The following SERPINB8 variants were observed in gnomAD, a reference collection of about 807,000 sequenced individuals.
SERPINB8 encodes the protein serpin family B member 8.
Under a neutral mutation model 35.3 loss-of-function variants are expected in SERPINB8, and 25 were observed. That is an observed-to-expected ratio of 0.71 (90% CI 0.52 to 0.99). The LOEUF (loss-of-function observed/expected upper bound fraction) is 0.99, where lower values mean the gene tolerates loss of function less well. Ranked by LOEUF, SERPINB8 falls within the 50% of genes least tolerant of loss-of-function variation. The probability of loss-of-function intolerance (pLI) is 0.00; values close to 1 mark genes in which losing one functional copy is unlikely to be tolerated. For synonymous variants in SERPINB8, 186 were observed against 160.8 expected (o/e 1.16, Z -1.19); for missense variants, 484 against 446.5 (o/e 1.08, Z -0.76).
At chr18:63,976,463 C>T (rs1412029061) in intron 1 of SERPINB8, among the ~76,000 whole-genome samples, 2 of 152,166 alleles carry the variant, frequency 1.3e-5, no homozygotes, top group African/African-American at 4.8e-5. Flanking sequence ...GATAGGGATG[C>T]TATCTTTCTT....
Position 63,989,225 on chromosome 18 carries a change from T to C in SERPINB8, c.*1947T>C, listed in dbSNP as rs2050805299. On this transcript the variant is annotated 3_prime_UTR_variant, in exon 7 of 7. Transcript: ENST00000397985. ...TCATTTATGTTATTGTATGTATCAA[T>C]AGTTCATCCCTTTTATTGGTAAGTA... 6.6e-6 allele frequency: 1 copy of C among 152,260 alleles called. No homozygotes were observed. Among genetic ancestry groups the C allele is most frequent in the Non-Finnish European group, 1.5e-5 (1 of 68,042 alleles). The allele number at this position is 152,260 out of a possible 1,614,324, so 9.4% of individuals were successfully genotyped here.
chr18:63,990,054 C>T (rs1192090504), downstream of SERPINB8, among the ~76,000 whole-genome samples: 1 of 131,166 alleles, frequency 7.6e-6, no homozygotes, highest in African/African-American at 2.8e-5. Context: ...TTGCTTCTTG[C>T]TTTATTTTGT....
At chr18:63,998,038 A>G (rs932903462) in intron 1 of SERPINB8, among the ~76,000 whole-genome samples, 1 of 152,210 alleles carries the variant, frequency 6.6e-6, no homozygotes, top group Non-Finnish European at 1.5e-5. Context: ...TGCATGAACT[A>G]TTATCTTCAA....
At chr18:63,996,276 T>C (rs1000281121) in intron 1 of SERPINB8, among the ~76,000 whole-genome samples, 2 of 152,206 alleles carry the variant, frequency 1.3e-5, no homozygotes, top group Non-Finnish European at 2.9e-5. Context: ...ATACAGTAGC[T>C]CTGTCTGGCC....
At position 63,987,079 on chromosome 18, in the gene SERPINB8, C is replaced by T; in HGVS notation, c.926C>T (p.Pro309Leu). 2 of 1,614,194 alleles carry T rather than the reference C, an allele frequency of 1.2e-6. No individual in the cohort carries two copies. Among genetic ancestry groups the T allele is most frequent in the Middle Eastern group, 1.6e-4 (1 of 6,062 alleles). Residue 309 changes from proline to leucine, a missense_variant, in exon 7 of 7, where the codon CCT becomes CTT. Pro to Leu is a moderately conservative substitution (Grantham distance 98). Transcript: ENST00000397985. ...FSGMSTEKNVPLSKVAHKCFV... is the reference protein window; with the variant it reads ...FSGMSTEKNVLLSKVAHKCFV... ...GGAATGTCAACTGAGAAGAATGTGC[C>T]TCTGTCCAAGGTTGCCCACAAGTGC...
chr18:63,972,611 A>G (rs1009281153), intron 1 of SERPINB8, among the ~76,000 whole-genome samples: 8 of 152,058 alleles, frequency 5.3e-5, no homozygotes, highest in Non-Finnish European at 8.8e-5. Context: ...TACATTAGGT[A>G]TTTCTCCTAA....
intron 5 of SERPINB8, among the ~76,000 whole-genome samples, chr18:63,984,171 T>C (rs543383434): frequency 6.6e-6 from 1 of 152,334 alleles, no homozygotes; most frequent in Non-Finnish European, 1.5e-5. Context: ...ATTTAATGCC[T>C]CCTGTGTATC....
rs1423005041 is a variant in SERPINB8, at chr18:63,978,367, G to A, written c.59G>A (p.Gly20Glu). The A allele has an allele frequency of 2.9e-5, 47 of 1,614,168 alleles. No homozygotes were observed. Among genetic ancestry groups the A allele is most frequent in the Non-Finnish European group, 3.9e-5 (46 of 1,180,022 alleles). ...GCCATCAGCTTATTTAAAATATTGG[G>A]GGAAGAGGACAACTCAAGAAACGTA... ...TFAISLFKIL[G>E]EEDNSRNVFF... Residue 20 changes from glycine to glutamate, a missense_variant, in exon 2 of 7, where the codon GGG becomes GAG. Coordinates refer to ENST00000397985, the MANE Select transcript of SERPINB8 (RefSeq NM_002640.4).
chr18:63,985,459 G>A (rs1201885545), intron 6 of SERPINB8, among the ~76,000 whole-genome samples: 1 of 152,198 alleles, frequency 6.6e-6, no homozygotes, highest in Non-Finnish European at 1.5e-5. Flanking sequence ...AAGCTAAGAA[G>A]AGAGAGTTCT....
chr18:63,997,071 C>G (rs755314868), intron 1 of SERPINB8, among the ~76,000 whole-genome samples: 1 of 148,620 alleles, frequency 6.7e-6, no homozygotes, highest in Non-Finnish European at 1.5e-5. Flanking sequence ...AGTTCCTTTA[C>G]TATCGCTCAT....
Position 63,987,147 on chromosome 18 carries a change from A to T in SERPINB8, c.994A>T (p.Thr332Ser), listed in dbSNP as rs370124288. ...GGAAGGCACAGAGGCTGCCGCAGCC[A>T]CTGCTGTGGTCAGGAATTCCCGGTG... ...NEEGTEAAAA[T>S]AVVRNSRCSR... is the part of the protein sequence containing the mutation. Residue 332 changes from threonine to serine, a missense_variant, in exon 7 of 7, where the codon ACT (threonine) becomes TCT (serine). Transcript: ENST00000397985. 43 of 1,614,064 alleles carry T rather than the reference A, an allele frequency of 2.7e-5. No homozygotes were observed. The highest frequency in any genetic ancestry group is 3.5e-5 in the Non-Finnish European group (41 of 1,180,042).
At chr18:64,008,321 C>A (rs950438316), downstream of SERPINB8, among the ~76,000 whole-genome samples, 12 of 152,182 alleles carry the variant, frequency 7.9e-5, no homozygotes, top group Non-Finnish European at 1.5e-4. Context: ...CGGCTCACTG[C>A]AACTTCCACC....
chr18:64,004,382 G>C (rs1175200002), intron 1 of SERPINB8, among the ~76,000 whole-genome samples: 1 of 152,110 alleles, frequency 6.6e-6, no homozygotes, highest in East Asian at 1.9e-4. Context: ...AAGCGGTATA[G>C]AGAAGAGGAA....
chr18:64,003,816 G>A (rs1348215438), intron 1 of SERPINB8, among the ~76,000 whole-genome samples: 1 of 152,042 alleles, frequency 6.6e-6, no homozygotes, highest in Non-Finnish European at 1.5e-5. Context: ...TGACTGGAGG[G>A]GGGCCACCCA....
downstream of SERPINB8, among the ~76,000 whole-genome samples, chr18:64,007,190 A>G (rs2050903934): frequency 6.6e-6 from 1 of 152,142 alleles, no homozygotes. Context: ...ATAATACCAT[A>G]AACAACTTTA....
At chr18:64,010,982 GT>G (rs1173373859) in intron 7 of SERPINB8, among the ~76,000 whole-genome samples, 1 of 151,380 alleles carries the variant, frequency 6.6e-6, no homozygotes, top group East Asian at 1.9e-4. Context: ...CACACACATT[GT>G]TTTATGAGCA....
At chr18:63,976,570 A>C (rs1233840625) in intron 1 of SERPINB8, among the ~76,000 whole-genome samples, 1 of 152,222 alleles carries the variant, frequency 6.6e-6, no homozygotes, top group Non-Finnish European at 1.5e-5. Context: ...TTACATCTCA[A>C]AGGGGCTGAT....
Position 63,978,388 on chromosome 18 carries a change from A to G in SERPINB8, c.80A>G (p.Asn27Ser). Residue 27 changes from asparagine to serine, a missense_variant, in exon 2 of 7, where the codon AAC (asparagine) becomes AGC (serine). By Grantham distance (46) the Asn-to-Ser change is conservative (BLOSUM62 1). Coordinates refer to ENST00000397985, the MANE Select transcript of SERPINB8 (RefSeq NM_002640.4). ...KILGEEDNSR[N>S]VFFSPMSISS... ...TTGGGGGAAGAGGACAACTCAAGAA[A>G]CGTATTCTTCTCTCCCATGAGCATC... 1 of 1,614,162 alleles carries G rather than the reference A, an allele frequency of 6.2e-7. No individual in the cohort carries two copies. The highest frequency in any genetic ancestry group is 8.5e-7 in the Non-Finnish European group (1 of 1,180,028).
At chr18:64,003,604 T>G (rs941643421) in intron 1 of SERPINB8, among the ~76,000 whole-genome samples, 5 of 151,634 alleles carry the variant, frequency 3.3e-5, no homozygotes, top group Admixed American at 1.3e-4. Context: ...AACTGAGAAG[T>G]GCTAAGATCT....
Sources: allele counts gnomAD v4.1 joint callset (sites outside exome capture counted in the v4.1 genomes callset), GRCh38; gene constraint gnomAD v4.1.1; transcripts MANE v1.5; gene names NCBI Gene and HGNC (gene_info 2026-07-23, HGNC 2026-07-21).